Variants in TRIM49 observed in about 807,000 individuals in gnomAD.
TRIM49 encodes tripartite motif containing 49.
TRIM49 carries 5 observed loss-of-function variants against 27.4 expected under a neutral mutation model. That is an observed-to-expected ratio of 0.18 (90% confidence interval 0.10 to 0.38). The LOEUF (loss-of-function observed/expected upper bound fraction) is 0.38, where lower values mean the gene tolerates loss of function less well. Ranked by LOEUF, TRIM49 falls within the 10% of genes least tolerant of loss-of-function variation. The pLI, the probability that TRIM49 is intolerant of heterozygous loss-of-function variation, is 1.00. For missense variants in TRIM49, 188 were observed against 487.5 expected, an observed-to-expected ratio of 0.39 and a Z score of 5.79; for synonymous variants, 69 against 166.0, an observed-to-expected ratio of 0.42 and a Z score of 4.49.
At chr11:89,805,787 G>A (rs1171469264) in intron 2 of TRIM49, among the ~76,000 whole-genome samples, 2 of 148,324 alleles carry the variant, frequency 1.3e-5, no homozygotes, top group East Asian at 2.0e-4. Flanking sequence ...GCGTGATCTC[G>A]GCTCACTGTA....
At chr11:89,777,659 C>A in the TRIM49 span, among the ~76,000 whole-genome samples, 11 of 150,630 alleles carry the variant, frequency 7.3e-5, no homozygotes, top group Admixed American at 2.0e-4. Flanking sequence ...ACCAAGAACA[C>A]TTTTCAAAGT....
At chr11:89,774,144 G>C in the TRIM49 span, among the ~76,000 whole-genome samples, 1 of 150,040 alleles carries the variant, frequency 6.7e-6, no homozygotes, top group Non-Finnish European at 1.5e-5. Context: ...AGGATTACAA[G>C]TGCCTGCCAC....
At chr11:89,769,376 C>T in the TRIM49 span, among the ~76,000 whole-genome samples, 3 of 136,432 alleles carry the variant, frequency 2.2e-5, no homozygotes, top group Non-Finnish European at 4.5e-5. Context: ...AGGGCTTCAT[C>T]TGAATGCATT....
chr11:89,793,568 G>T (rs868749583), downstream of TRIM49, among the ~76,000 whole-genome samples: 3 of 150,542 alleles, frequency 2.0e-5, no homozygotes, highest in African/African-American at 7.3e-5. Context: ...GGGATCCAAG[G>T]CTGGTTCAAC....
At chr11:89,776,856 C>A in the TRIM49 span, 3 of 798,394 alleles carry the variant, frequency 3.8e-6, no homozygotes, top group Non-Finnish European at 5.9e-6. Flanking sequence ...CTAACTTATT[C>A]GACATGTTGG....
At chr11:89,777,783 T>C in the TRIM49 span, 2 of 532,706 alleles carry the variant, frequency 3.8e-6, no homozygotes, top group Non-Finnish European at 6.3e-6. Context: ...AGAATCATAT[T>C]CGTTTAACTT....
chr11:89,803,544 A>T, intron 4 of TRIM49, 154 bp downstream of exon 4: 1 of 1,431,936 alleles, frequency 7.0e-7, no homozygotes, highest in Non-Finnish European at 9.4e-7. Flanking sequence ...TATTCTATAT[A>T]AAAATGAGGC....
chr11:89,773,772 C>T, the TRIM49 span, among the ~76,000 whole-genome samples: 1 of 131,554 alleles, frequency 7.6e-6, no homozygotes, highest in Non-Finnish European at 1.5e-5. Flanking sequence ...AACCCTGTCT[C>T]TAGTAAAAAT....
At chr11:89,774,146 G>T in the TRIM49 span, among the ~76,000 whole-genome samples, 2 of 150,068 alleles carry the variant, frequency 1.3e-5, no homozygotes, top group East Asian at 3.9e-4. Flanking sequence ...GATTACAAGT[G>T]CCTGCCACCG....
At chr11:89,778,095 C>T in the TRIM49 span, 1 of 659,008 alleles carries the variant, frequency 1.5e-6, no homozygotes, top group East Asian at 3.4e-5. Context: ...TTCAAACTAC[C>T]AGTTAAAAGA....
chr11:89,784,932 A>G, the TRIM49 span, among the ~76,000 whole-genome samples: 1 of 148,988 alleles, frequency 6.7e-6, no homozygotes, highest in Non-Finnish European at 1.5e-5. Flanking sequence ...TACTTAATTC[A>G]TTTATTATCT....
At chr11:89,766,715 A>G in the TRIM49 span, 1 of 1,534,452 alleles carries the variant, frequency 6.5e-7, no homozygotes. Context: ...CAAAATCAAG[A>G]AACACACCAA....
chr11:89,773,635 C>A, the TRIM49 span, among the ~76,000 whole-genome samples: 1 of 136,794 alleles, frequency 7.3e-6, no homozygotes, highest in African/African-American at 3.3e-5. Flanking sequence ...GAGTGAGAAA[C>A]AAAAATTTAA....
chr11:89,805,947 T>G (rs4001903), intron 2 of TRIM49, among the ~76,000 whole-genome samples: 16,207 of 148,918 alleles, frequency 0.11, 49 homozygotes, highest in East Asian at 0.28. Context: ...CTTGAACTTC[T>G]GGCCTCAAGT....
the TRIM49 span, chr11:89,777,472 T>C: frequency 6.6e-7 from 1 of 1,505,804 alleles, no homozygotes; most frequent in African/African-American, 1.4e-5. Context: ...GTGATGAGAA[T>C]GCAGATGATG....
downstream of TRIM49, chr11:89,797,515 T>C (rs1345695478): frequency 6.7e-6 from 1 of 149,774 alleles, no homozygotes; most frequent in African/African-American, 2.5e-5. Context: ...TTAGTTACTT[T>C]TTAAAAAAAA....
At chr11:89,789,794 A>G in the TRIM49 span, 16 of 152,224 alleles carry the variant, frequency 1.1e-4, no homozygotes, top group African/African-American at 3.9e-4. Context: ...AGGTGGCCGA[A>G]TAGGAACAGC....
At chr11:89,769,395 C>G in the TRIM49 span, among the ~76,000 whole-genome samples, 1 of 136,670 alleles carries the variant, frequency 7.3e-6, no homozygotes, top group East Asian at 2.1e-4. Flanking sequence ...TTTATTCTAC[C>G]GTTCATGGAG....
In TRIM49 at chr11:89,806,690, C is replaced by T. The variant is rs1347536578; in HGVS notation, c.-5+409G>A. Among the ~76,000 whole-genome samples the T allele has an allele frequency of 5.5e-5, 8 of 144,996 alleles. No individual in the cohort carries two copies. The South Asian group carries it at 1.1e-3, about 20-fold the overall frequency. On this transcript the variant is annotated intron_variant, in intron 2 of 7. Transcript: ENST00000329758. ...CACTATTTTGCATCGCTCATCATTA[C>T]CTTACTAATTTAAAGTCATGTCTAA...
Sources: allele counts gnomAD v4.1 joint callset (sites outside exome capture counted in the v4.1 genomes callset), GRCh38; gene constraint gnomAD v4.1.1; transcripts MANE v1.5; gene names NCBI Gene and HGNC (gene_info 2026-07-23, HGNC 2026-07-21).